CHLSN: variants seen among roughly 807,000 people sequenced by gnomAD.
CHLSN encodes protein cholesin.
chr7:1,116,923 A>G, the CHLSN span, among the ~76,000 whole-genome samples: 1 of 24,406 alleles, frequency 4.1e-5, no homozygotes, highest in Non-Finnish European at 6.6e-5. Context: ...CTGCAGTTCT[A>G]GGACCGGCTT....
At chr7:1,095,048 A>G in the CHLSN span, among the ~76,000 whole-genome samples, 1 of 151,388 alleles carries the variant, frequency 6.6e-6, no homozygotes, top group Non-Finnish European at 1.5e-5. Context: ...CGTGTGGCAC[A>G]GTCCTGCAGA....
At chr7:988,460 G>A in the CHLSN span, 1 of 1,609,928 alleles carries the variant, frequency 6.2e-7, no homozygotes, top group South Asian at 1.1e-5. Flanking sequence ...CACCTCCAGG[G>A]CTCCAGGGGT....
the CHLSN span, among the ~76,000 whole-genome samples, chr7:1,097,775 C>T: frequency 7.9e-5 from 12 of 152,150 alleles, no homozygotes; most frequent in Admixed American, 4.6e-4. This position sits in a 1 kb window ranked among gnomAD's most constrained non-coding sequence, Gnocchi z 4.3. Context: ...ACAAGGAGGC[C>T]GGTCCAGATG....
At chr7:986,481 G>A in the CHLSN span, 1 of 929,322 alleles carries the variant, frequency 1.1e-6, no homozygotes, top group African/African-American at 1.7e-5. Flanking sequence ...GAGGGCTAAG[G>A]GTCCCCCCGT....
the CHLSN span, among the ~76,000 whole-genome samples, chr7:1,041,972 G>A: frequency 2.0e-5 from 3 of 152,346 alleles, no homozygotes; most frequent in East Asian, 5.8e-4. Context: ...GGAAGGGGAA[G>A]GGCGGCCCCA....
the CHLSN span, chr7:1,127,305 TG>T: frequency 6.2e-7 from 1 of 1,612,048 alleles, no homozygotes; most frequent in Non-Finnish European, 8.5e-7. Flanking sequence ...GGCCCAGCAG[TG>T]GCCCCTCTGC....
the CHLSN span, among the ~76,000 whole-genome samples, chr7:1,136,475 TATATAAACATATATAAAC>T: frequency 2.6e-5 from 3 of 117,112 alleles, no homozygotes; most frequent in East Asian, 2.4e-4. Context: ...CATATATAAA[TATATAAACATATATAAAC>T]ATATAAATAT....
chr7:995,768 G>C, the CHLSN span, among the ~76,000 whole-genome samples: 1 of 152,280 alleles, frequency 6.6e-6, no homozygotes, highest in Non-Finnish European at 1.5e-5. Flanking sequence ...GACACCAGGA[G>C]GGGCTGGACT....
At chr7:1,132,724 C>T in the CHLSN span, among the ~76,000 whole-genome samples, 5,870 of 142,286 alleles carry the variant, frequency 0.041, 302 homozygotes, top group African/African-American at 0.13. Context: ...AAAGACACCA[C>T]CCATAGTATT....
chr7:1,065,461 C>G, the CHLSN span, among the ~76,000 whole-genome samples: 1 of 152,252 alleles, frequency 6.6e-6, no homozygotes, highest in East Asian at 1.9e-4. Context: ...GCCTGCGCAT[C>G]GAAGGAATGC....
the CHLSN span, among the ~76,000 whole-genome samples, chr7:979,172 G>A: frequency 1.3e-5 from 2 of 152,226 alleles, no homozygotes; most frequent in Non-Finnish European, 2.9e-5. Flanking sequence ...TGCTTTCGAA[G>A]AAGTAAAGTT....
chr7:1,103,755 G>T, the CHLSN span, among the ~76,000 whole-genome samples: 1 of 152,222 alleles, frequency 6.6e-6, no homozygotes, highest in Admixed American at 6.5e-5. Context: ...GTACTCTCAT[G>T]GCATCTCCCC....
At chr7:1,034,584 G>A in the CHLSN span, among the ~76,000 whole-genome samples, 2 of 152,190 alleles carry the variant, frequency 1.3e-5, no homozygotes, top group African/African-American at 4.8e-5. Flanking sequence ...AGTGAACCCA[G>A]GAGGTGCCCC....
At chr7:1,107,632 T>G in the CHLSN span, among the ~76,000 whole-genome samples, 8 of 152,370 alleles carry the variant, frequency 5.3e-5, no homozygotes, top group East Asian at 1.3e-3. Flanking sequence ...GACAATCTTA[T>G]GAACACTAGG....
chr7:1,052,778 G>C, the CHLSN span, among the ~76,000 whole-genome samples: 1 of 152,120 alleles, frequency 6.6e-6, no homozygotes, highest in South Asian at 2.1e-4. This position sits in a 1 kb window ranked among gnomAD's most constrained non-coding sequence, Gnocchi z 4.2. Flanking sequence ...GCATGTGCCA[G>C]CTCTGTTCCT....
At chr7:1,009,924 G>T in the CHLSN span, 1 of 1,513,462 alleles carries the variant, frequency 6.6e-7, no homozygotes, top group South Asian at 1.2e-5. Flanking sequence ...GTCCGGGACA[G>T]AACCGCGTGG....
the CHLSN span, among the ~76,000 whole-genome samples, chr7:1,032,266 G>C: frequency 6.6e-6 from 1 of 152,218 alleles, no homozygotes; most frequent in Non-Finnish European, 1.5e-5. Flanking sequence ...TGGAACCTGG[G>C]GCTGAGGATG....
At chr7:979,169 G>A in the CHLSN span, among the ~76,000 whole-genome samples, 10 of 152,200 alleles carry the variant, frequency 6.6e-5, no homozygotes, top group Non-Finnish European at 1.2e-4. Context: ...TTTTGCTTTC[G>A]AAGAAGTAAA....
At chr7:991,867 G>C in the CHLSN span, among the ~76,000 whole-genome samples, 1 of 152,180 alleles carries the variant, frequency 6.6e-6, no homozygotes, top group African/African-American at 2.4e-5. Context: ...TCCCTCCCCA[G>C]TCCTTCTCCT....
Sources: allele counts gnomAD v4.1 joint callset (sites outside exome capture counted in the v4.1 genomes callset), GRCh38; gene constraint gnomAD v4.1.1; non-coding constraint Gnocchi (gnomAD v3.1); transcripts MANE v1.5; gene names NCBI Gene and HGNC (gene_info 2026-07-23, HGNC 2026-07-21).